INPP4B: variants seen among roughly 807,000 people sequenced by gnomAD.
INPP4B encodes inositol polyphosphate-4-phosphatase type II B.
In INPP4B, 55 loss-of-function variants were observed where a neutral mutation model predicts 122.5. The observed-to-expected ratio is 0.45, with a 90% CI of 0.36 to 0.56. The LOEUF is 0.56. Ranked by LOEUF, INPP4B falls within the 20% of genes least tolerant of loss-of-function variation. The pLI is 0.00. For synonymous variants in INPP4B, 403 were observed against 388.7 expected, an observed-to-expected ratio of 1.04 and a Z score of -0.43; for missense variants, 1,000 against 1,097.7, an observed-to-expected ratio of 0.91 and a Z score of 1.26.
intron 9 of INPP4B, among the ~76,000 whole-genome samples, chr4:142,284,538 G>T (rs536154270): frequency 2.0e-5 from 3 of 152,250 alleles, no homozygotes; most frequent in African/African-American, 7.2e-5. Flanking sequence ...CAGCTGATAG[G>T]TTGGTAAATG....
At chr4:142,042,477 G>C (rs1748300715) in intron 25 of INPP4B, among the ~76,000 whole-genome samples, 1 of 151,192 alleles carries the variant, frequency 6.6e-6, no homozygotes, top group Non-Finnish European at 1.5e-5. Context: ...TGTTTCTCAA[G>C]TTTTTCAACC....
intron 7 of INPP4B, among the ~76,000 whole-genome samples, chr4:142,319,540 C>T (rs1769201039): frequency 6.6e-6 from 1 of 152,190 alleles, no homozygotes; most frequent in African/African-American, 2.4e-5. Context: ...AAGGAAGCTA[C>T]TCAACCAGGA....
At chr4:142,108,489 C>T (rs1788303926) in intron 22 of INPP4B, among the ~76,000 whole-genome samples, 1 of 115,836 alleles carries the variant, frequency 8.6e-6, no homozygotes, top group Non-Finnish European at 2.0e-5. Flanking sequence ...ATTAGCTTCC[C>T]TATCCTACTC....
intron 12 of INPP4B, among the ~76,000 whole-genome samples, chr4:142,219,934 T>C (rs1848700710): frequency 6.6e-6 from 1 of 152,192 alleles, no homozygotes; most frequent in Non-Finnish European, 1.5e-5. Context: ...TCTGAGATCA[T>C]TGCCCCACAG....
At chr4:142,604,704 T>C (rs1339884755) in intron 2 of INPP4B, among the ~76,000 whole-genome samples, 1 of 151,960 alleles carries the variant, frequency 6.6e-6, no homozygotes, top group Non-Finnish European at 1.5e-5. Context: ...AAAACACTGA[T>C]GAAAGAAATT....
intron 2 of INPP4B, among the ~76,000 whole-genome samples, chr4:142,575,614 C>T (rs887758083): frequency 3.3e-5 from 5 of 151,898 alleles, no homozygotes; most frequent in African/African-American, 1.2e-4. Context: ...AGCCTTCGTC[C>T]GTATTAAATG....
At chr4:142,347,179 T>C (rs991204393) in intron 7 of INPP4B, among the ~76,000 whole-genome samples, 4 of 152,164 alleles carry the variant, frequency 2.6e-5, no homozygotes, top group African/African-American at 9.6e-5. Context: ...TAAGTTCATA[T>C]AGTAATTTTT....
chr4:142,132,988 T>A (rs1415809059), intron 18 of INPP4B, among the ~76,000 whole-genome samples: 3 of 152,194 alleles, frequency 2.0e-5, no homozygotes, highest in Non-Finnish European at 2.9e-5. Context: ...AAGACATCCG[T>A]ACTGCTAAAT....
intron 2 of INPP4B, among the ~76,000 whole-genome samples, chr4:142,574,400 G>T (rs1307963412): frequency 6.6e-6 from 1 of 152,136 alleles, no homozygotes; most frequent in Middle Eastern, 3.4e-3. Context: ...GCCACAGACC[G>T]TAATGGTCTC....
At chr4:142,487,062 G>T (rs1485878707) in intron 2 of INPP4B, among the ~76,000 whole-genome samples, 2 of 152,052 alleles carry the variant, frequency 1.3e-5, no homozygotes, top group Non-Finnish European at 2.9e-5. Context: ...CACGGGGGTG[G>T]GTCTTTCCTG....
chr4:142,456,523 C>A (rs1815453208), intron 3 of INPP4B, among the ~76,000 whole-genome samples: 1 of 151,930 alleles, frequency 6.6e-6, no homozygotes. Context: ...GTTTTTGTTA[C>A]TATAGTTCTG....
chr4:142,572,675 T>A (rs879542606), intron 2 of INPP4B, among the ~76,000 whole-genome samples: 1 of 152,054 alleles, frequency 6.6e-6, no homozygotes, highest in Admixed American at 6.6e-5. Context: ...AGATAAAAGA[T>A]AATAAGTTAA....
At chr4:142,629,433 T>C (rs1380444486) in intron 2 of INPP4B, among the ~76,000 whole-genome samples, 2 of 151,980 alleles carry the variant, frequency 1.3e-5, no homozygotes, top group African/African-American at 4.8e-5. Flanking sequence ...AATGCAGAGA[T>C]TCTGATTTAG....
chr4:142,543,437 A>G (rs187983193), intron 2 of INPP4B, among the ~76,000 whole-genome samples: 264 of 152,270 alleles, frequency 1.7e-3, no homozygotes, highest in African/African-American at 6.3e-3. Flanking sequence ...AATCTATTAT[A>G]TTTGTGGATA....
chr4:142,588,850 A>T (rs1256085117), intron 2 of INPP4B, among the ~76,000 whole-genome samples: 1 of 151,874 alleles, frequency 6.6e-6, no homozygotes, highest in South Asian at 2.1e-4. Context: ...CCGATTGTAA[A>T]TTTTTTATGG....
intron 7 of INPP4B, among the ~76,000 whole-genome samples, chr4:142,380,708 TTCA>T (rs1053676661): frequency 1.1e-4 from 17 of 152,130 alleles, no homozygotes; most frequent in African/African-American, 4.1e-4. Flanking sequence ...TTCTCCTTAT[TTCA>T]TCTACTGTAT....
intron 2 of INPP4B, among the ~76,000 whole-genome samples, chr4:142,638,375 A>G (rs563064095): frequency 2.1e-4 from 32 of 152,232 alleles, no homozygotes; most frequent in Admixed American, 1.2e-3. Flanking sequence ...CATGAACGGT[A>G]TAAAATCTGT....
chr4:142,153,782 T>A (rs1579097131), intron 17 of INPP4B, among the ~76,000 whole-genome samples: 1 of 152,210 alleles, frequency 6.6e-6, no homozygotes, highest in East Asian at 1.9e-4. Flanking sequence ...TGTTAGGTGT[T>A]ATAAAACAGG....
At chr4:142,671,915 C>A (rs746976331) in intron 2 of INPP4B, among the ~76,000 whole-genome samples, 9 of 152,138 alleles carry the variant, frequency 5.9e-5, no homozygotes, top group Non-Finnish European at 1.3e-4. Flanking sequence ...CCTCTGAGGT[C>A]AACTCCTACT....
Sources: gnomAD v4.1 joint callset for allele counts (sites outside exome capture counted in the v4.1 genomes callset) on GRCh38, gnomAD v4.1.1 for gene constraint, MANE v1.5 for transcripts, NCBI Gene and HGNC (gene_info 2026-07-23, HGNC 2026-07-21) for gene names.